Variants in IQCF3 observed in about 807,000 individuals in gnomAD.
The protein encoded by IQCF3 is IQ domain-containing protein F3.
In IQCF3, 7 loss-of-function variants were observed where a neutral mutation model predicts 5.1. The observed-to-expected ratio is 1.36, with a 90% CI of 0.78 to 2.56. IQCF3 has a LOEUF of 2.56. Ranked by LOEUF, IQCF3 falls within the 30% of genes most tolerant of loss-of-function variation. The pLI, the probability that IQCF3 is intolerant of heterozygous loss-of-function variation, is 0.00. For synonymous variants in IQCF3, 82 were observed against 72.8 expected, an observed-to-expected ratio of 1.13 and a Z score of -0.64; for missense variants, 189 against 196.5, an observed-to-expected ratio of 0.96 and a Z score of 0.23.
rs749774929 is a variant in IQCF3, at chr3:51,829,715, A to G, written c.66+3A>G. ...TAGAAAGACAGAGGCGGCAGAAGGT[A>G]GGTGGGGCCCAGGAGGGTGAGAGAA... On this transcript the variant is annotated splice_donor_region_variant and intron_variant, in intron 2 of 2. Coordinates refer to ENST00000440739, the MANE Select transcript of IQCF3 (RefSeq NM_001393887.1). 1.2e-6 allele frequency: 2 copies of G among 1,613,556 alleles called. No homozygotes were observed. The highest frequency in any genetic ancestry group is 1.7e-6 in the Non-Finnish European group (2 of 1,179,682).
chr3:51,828,534 G>A (rs77902261), upstream of IQCF3: 14 of 152,186 alleles, frequency 9.2e-5, no homozygotes, highest in African/African-American at 2.9e-4. Flanking sequence ...CTACTTGATC[G>A]TGGTGGATTA....
chr3:51,829,685 T>C lies in IQCF3; in HGVS notation c.39T>C (p.Asp13=), dbSNP rs374602428. The part of the protein sequence containing the change: ...SKCCKGGPDE[D]AVERQRRQKL... The stretch of plus-strand genomic sequence containing the variant: ...TGCAGAAAGGTGGTCCAGATGAAGA[T>C]GCAGTAGAAAGACAGAGGCGGCAGA... Residue 13 remains aspartate (D), a synonymous_variant, in exon 2 of 3, where the codon GAT becomes GAC. Coordinates refer to ENST00000440739, the MANE Select transcript of IQCF3 (RefSeq NM_001393887.1). 1.2e-5 allele frequency: 20 copies of C among 1,613,730 alleles called. No individual in the cohort carries two copies. The highest frequency in any genetic ancestry group is 1.6e-4 in the Middle Eastern group (1 of 6,084).
chr3:51,829,535 T>C (rs1559721636), intron 1 of IQCF3, 42 bp downstream of exon 1: 9 of 1,594,674 alleles, frequency 5.6e-6, no homozygotes, highest in Non-Finnish European at 7.7e-6. Context: ...GTGGGAGTTG[T>C]CCCATGGCCC....
At chr3:51,829,308 T>C, upstream of IQCF3, 1 of 691,274 alleles carries the variant, frequency 1.4e-6, no homozygotes, top group Non-Finnish European at 2.5e-6. Flanking sequence ...GAGAGCCAGG[T>C]ATTTTCTCTT....
At chr3:51,827,360 A>C (rs915866986), upstream of IQCF3, 6 of 152,240 alleles carry the variant, frequency 3.9e-5, no homozygotes, top group Non-Finnish European at 7.3e-5. Context: ...AATATCTAAA[A>C]GAGAAAATAA....
In IQCF3 at chr3:51,830,563, G is replaced by A. The variant is rs768648916; in HGVS notation, c.227G>A (p.Arg76His). The change falls in exon 3 of 3, where the codon CGT becomes CAT. Residue 76 changes from arginine (R) to histidine (H), a missense_variant. Arg to His is a conservative substitution (Grantham distance 29). Coordinates refer to ENST00000440739, the MANE Select transcript of IQCF3 (RefSeq NM_001393887.1). The surrounding 1 kb of genome is among the most constrained non-coding windows in gnomAD (Gnocchi z 4.1). ...AGGACGTTGGTGCAGAGACGGATCC[G>A]TCAGCGGCGGCAGGCCCTGTTGAGG... ...WWRTLVQRRI[R>H]QRRQALLRVY... 2.5e-5 allele frequency: 40 copies of A among 1,613,948 alleles called. 1 individual carries two copies. The highest frequency in any genetic ancestry group is 1.1e-4 in the East Asian group (5 of 44,878).
rs1698347577 is a variant in IQCF3 at position 51,830,241 on chromosome 3, T to C, written c.67-162T>C. On this transcript the variant is annotated intron_variant, in intron 2 of 2. Transcript: ENST00000440739. The surrounding 1 kb of genome is among the most constrained non-coding windows in gnomAD (Gnocchi z 4.1). ...ATTTCATAGATGAGGGCACTGGGACTGTGAGGGTGTCCAGAGCCATGAACA... is the reference window on the plus strand; with the variant it reads ...ATTTCATAGATGAGGGCACTGGGACCGTGAGGGTGTCCAGAGCCATGAACA... 6.6e-6 allele frequency among the ~76,000 whole-genome samples: 1 copy of C among 152,142 alleles called. No individual in the cohort carries two copies. Among genetic ancestry groups the C allele is most frequent in the African/African-American group, 2.4e-5 (1 of 41,438 alleles).
Position 51,829,672 on chromosome 3 carries a change from G to A in IQCF3, c.26G>A (p.Gly9Asp). The A allele has an allele frequency of 6.2e-7, 1 of 1,613,872 alleles. No homozygotes were observed. The highest frequency in any genetic ancestry group is 8.5e-7 in the Non-Finnish European group (1 of 1,179,870). MGSKCCKG[G>D]PDEDAVERQR... ...CCCATATTCCGATTGCAGAAAGGTG[G>A]TCCAGATGAAGATGCAGTAGAAAGA... is the stretch of plus-strand genomic sequence containing the variant. The change falls in exon 2 of 3, where the codon GGT (glycine) becomes GAT (aspartate). Residue 9 changes from glycine (G) to aspartate (D), a missense_variant. Gly to Asp is a moderately conservative substitution (Grantham distance 94). Coordinates refer to ENST00000440739, the MANE Select transcript of IQCF3 (RefSeq NM_001393887.1).
upstream of IQCF3, chr3:51,828,080 TATA>T (rs1334647393): frequency 6.6e-6 from 1 of 152,148 alleles, no homozygotes; most frequent in Admixed American, 6.5e-5. Context: ...AACCGACTAA[TATA>T]ATGTCTTTTA....
chr3:51,827,242 C>T (rs1011114757), upstream of IQCF3: 1 of 152,012 alleles, frequency 6.6e-6, no homozygotes, highest in Non-Finnish European at 1.5e-5. Context: ...ATGATGGAAG[C>T]CCTGAATGCT....
intron 1 of IQCF3, 54 bp downstream of exon 1, chr3:51,829,547 G>T: frequency 6.3e-7 from 1 of 1,593,828 alleles, no homozygotes; most frequent in Non-Finnish European, 8.5e-7. Flanking sequence ...CCATGGCCCA[G>T]GAAAGCACCA....
At chr3:51,829,753 G>A (rs762941458) in intron 2 of IQCF3, 41 bp downstream of exon 2, 2 of 1,590,348 alleles carry the variant, frequency 1.3e-6, no homozygotes, top group Admixed American at 3.4e-5. Flanking sequence ...GCAGATCATT[G>A]ACTCTTTGAT....
At chr3:51,829,875 G>A in intron 2 of IQCF3, 163 bp downstream of exon 2, 1 of 706,182 alleles carries the variant, frequency 1.4e-6, no homozygotes, top group Non-Finnish European at 2.4e-6. Flanking sequence ...GACAGTAAAA[G>A]GGGAGGAAGT....
chr3:51,828,317 A>G (rs1490229359), upstream of IQCF3: 9 of 146,896 alleles, frequency 6.1e-5, no homozygotes, highest in African/African-American at 2.2e-4. Context: ...TTTGTCATAT[A>G]TGGCTCTTAT....
upstream of IQCF3, chr3:51,829,159 G>A (rs1698328796): frequency 2.6e-6 from 1 of 385,486 alleles, no homozygotes; most frequent in Admixed American, 4.2e-5. Flanking sequence ...AAGGGGCAAT[G>A]GATTTGAGCA....
chr3:51,830,631 T>C lies in IQCF3; in HGVS notation c.295T>C (p.Cys99Arg). 6.2e-7 allele frequency: 1 copy of C among 1,614,008 alleles called. No individual in the cohort carries two copies. Among genetic ancestry groups the C allele is most frequent in the South Asian group, 1.1e-5 (1 of 91,078 alleles). Reference protein sequence around the residue: ...QEQATVKLQSCIRMWQCRQCY... With the variant: ...QEQATVKLQSRIRMWQCRQCY... ...GCAGGCGACGGTCAAGCTCCAGTCC[T>C]GCATCCGCATGTGGCAGTGCCGGCA... The change falls in exon 3 of 3, where the codon TGC (cysteine) becomes CGC (arginine). Residue 99 changes from cysteine to arginine, a missense_variant. By Grantham distance (180) the Cys-to-Arg change is radical (BLOSUM62 -3). Coordinates refer to ENST00000440739, the MANE Select transcript of IQCF3 (RefSeq NM_001393887.1). This position sits in a 1 kb window ranked among gnomAD's most constrained non-coding sequence, Gnocchi z 4.1.
rs748076456 is a variant in IQCF3 at position 51,830,513 on chromosome 3, G to C, written c.177G>C (p.Arg59Ser). The change falls in exon 3 of 3, where the codon AGG becomes AGC. Residue 59 changes from arginine (R) to serine (S), a missense_variant. By Grantham distance (110) the Arg-to-Ser change is moderately radical. Coordinates refer to ENST00000440739, the MANE Select transcript of IQCF3 (RefSeq NM_001393887.1). This position sits in a 1 kb window ranked among gnomAD's most constrained non-coding sequence, Gnocchi z 4.1. ...VRRTLLVAAL[R>S]AWMIQCWWRT... is the part of the protein sequence containing the mutation. ...GGACCCTGCTGGTTGCTGCCCTCAG[G>C]GCCTGGATGATTCAGTGCTGGTGGA... 2 of 1,613,984 alleles carry C rather than the reference G, an allele frequency of 1.2e-6. No individual in the cohort carries two copies. The highest frequency in any genetic ancestry group is 1.7e-6 in the Non-Finnish European group (2 of 1,179,876).
At chr3:51,828,778 A>T (rs1314341579), upstream of IQCF3, 1 of 152,108 alleles carries the variant, frequency 6.6e-6, no homozygotes, top group East Asian at 1.9e-4. Flanking sequence ...TCAGCTGTGG[A>T]TCCTTCTTGT....
rs769686675 is a variant in IQCF3 at position 51,829,734 on chromosome 3, G to A, written c.66+22G>A. The A allele has an allele frequency of 5.0e-6, 8 of 1,610,934 alleles. No homozygotes were observed. In the Admixed American group the frequency reaches 5.0e-5, roughly 10 times the overall value. On this transcript the variant is annotated intron_variant, in intron 2 of 2. Transcript: ENST00000440739. Reference sequence around the variant, plus strand: ...GAAGGTAGGTGGGGCCCAGGAGGGTGAGAGAATTGCAGATCATTGACTCTT... The same window carrying A: ...GAAGGTAGGTGGGGCCCAGGAGGGTAAGAGAATTGCAGATCATTGACTCTT...
Sources: allele counts gnomAD v4.1 joint callset (sites outside exome capture counted in the v4.1 genomes callset), GRCh38; gene constraint gnomAD v4.1.1; non-coding constraint Gnocchi (gnomAD v3.1); transcripts MANE v1.5; gene names NCBI Gene and HGNC (gene_info 2026-07-23, HGNC 2026-07-21).